PDE4D: variants seen among roughly 807,000 people sequenced by gnomAD.
PDE4D encodes phosphodiesterase 4D.
A neutral mutation model predicts 87.4 loss-of-function variants in PDE4D; 24 were observed. The ratio of observed to expected loss-of-function variants is 0.27; its 90% confidence interval spans 0.20 to 0.39. PDE4D has a LOEUF of 0.39. Ranked by LOEUF, PDE4D falls within the 10% of genes least tolerant of loss-of-function variation. The pLI is 1.00. For missense variants in PDE4D, 714 were observed against 1,041.0 expected (o/e 0.69, Z 4.32); for synonymous variants, 384 against 383.2 (o/e 1.00, Z -0.02).
chr5:59,211,451 G>A (rs1288516505), intron 2 of PDE4D, among the ~76,000 whole-genome samples: 1 of 151,894 alleles, frequency 6.6e-6, no homozygotes, highest in Non-Finnish European at 1.5e-5. Flanking sequence ...ATCAAATTTT[G>A]ATACTGCTAT....
intron 1 of PDE4D, among the ~76,000 whole-genome samples, chr5:59,466,602 G>C (rs1582740591): frequency 6.6e-6 from 1 of 152,146 alleles, no homozygotes; most frequent in Non-Finnish European, 1.5e-5. Context: ...GTCCAGATAA[G>C]GGAGCTAAAG....
chr5:59,435,219 A>T (rs1796635497), intron 1 of PDE4D, among the ~76,000 whole-genome samples: 1 of 152,172 alleles, frequency 6.6e-6, no homozygotes. Flanking sequence ...TTAAAATGGA[A>T]ATCTTAGCAA....
chr5:59,668,826 A>AGG (rs1491547382), intron 1 of PDE4D, among the ~76,000 whole-genome samples: 3 of 92,170 alleles, frequency 3.3e-5, no homozygotes, highest in East Asian at 3.5e-4. Flanking sequence ...GAAGAAGAAG[A>AGG]AGAAGAGGAA....
intron 1 of PDE4D, among the ~76,000 whole-genome samples, chr5:59,826,201 GC>G (rs1770303813): frequency 2.0e-5 from 3 of 152,034 alleles, no homozygotes. Context: ...TCAAGTTTGG[GC>G]CTTGTTCACC....
intron 1 of PDE4D, among the ~76,000 whole-genome samples, chr5:60,213,862 T>C (rs551280072): frequency 3.9e-5 from 6 of 152,312 alleles, no homozygotes; most frequent in East Asian, 1.9e-4. Flanking sequence ...TAGGTGTCTG[T>C]AGGCACCATA....
At chr5:60,330,654 A>C (rs527335114) in intron 1 of PDE4D, among the ~76,000 whole-genome samples, 4 of 152,332 alleles carry the variant, frequency 2.6e-5, no homozygotes, top group African/African-American at 9.6e-5. Flanking sequence ...AGGCATTCTC[A>C]CAACTTCTTG....
chr5:59,071,877 C>T (rs545845488), intron 5 of PDE4D, among the ~76,000 whole-genome samples: 20 of 151,692 alleles, frequency 1.3e-4, no homozygotes, highest in South Asian at 2.1e-4. Flanking sequence ...TTAGTAGAGA[C>T]GGGGTTTCAC....
intron 1 of PDE4D, among the ~76,000 whole-genome samples, chr5:60,218,022 C>A (rs539783530): frequency 1.3e-5 from 2 of 151,946 alleles, no homozygotes; most frequent in Non-Finnish European, 2.9e-5. Context: ...GTCTACCCTA[C>A]AAACCAGCCA....
intron 1 of PDE4D, among the ~76,000 whole-genome samples, chr5:59,876,431 T>C (rs907907104): frequency 6.6e-6 from 1 of 152,214 alleles, no homozygotes; most frequent in African/African-American, 2.4e-5. Context: ...ACTCACCCAG[T>C]TGGCTGAGTA....
chr5:59,908,540 T>C (rs1026842225), intron 3 of PDE4D, among the ~76,000 whole-genome samples: 8 of 152,186 alleles, frequency 5.3e-5, no homozygotes, highest in Non-Finnish European at 8.8e-5. Flanking sequence ...AGCTAGAACC[T>C]AGCCATAATA....
chr5:59,331,682 C>T (rs1298303942), intron 1 of PDE4D, among the ~76,000 whole-genome samples: 1 of 152,164 alleles, frequency 6.6e-6, no homozygotes, highest in Non-Finnish European at 1.5e-5. Context: ...CAGAGCCATC[C>T]TTAAACAAAG....
At chr5:59,502,007 T>C (rs1220608333) in intron 1 of PDE4D, among the ~76,000 whole-genome samples, 1 of 152,200 alleles carries the variant, frequency 6.6e-6, no homozygotes, top group Non-Finnish European at 1.5e-5. Context: ...TCAGAGAAAC[T>C]GTCTTGTTCT....
At chr5:60,210,482 A>G (rs1294323262) in intron 1 of PDE4D, among the ~76,000 whole-genome samples, 1 of 152,182 alleles carries the variant, frequency 6.6e-6, no homozygotes, top group East Asian at 1.9e-4. Flanking sequence ...CCTTAAAACA[A>G]GGAAAATAAA....
intron 1 of PDE4D, among the ~76,000 whole-genome samples, chr5:59,481,488 G>T (rs546467843): frequency 6.6e-6 from 1 of 152,130 alleles, no homozygotes; most frequent in South Asian, 2.1e-4. Context: ...TCTCTAAAAT[G>T]GGAGTTGAAT....
At chr5:60,400,660 G>A (rs1583634695) in intron 1 of PDE4D, among the ~76,000 whole-genome samples, 1 of 151,644 alleles carries the variant, frequency 6.6e-6, no homozygotes, top group South Asian at 2.1e-4. Context: ...GGCTGGGTGC[G>A]ATGGCTCACG....
intron 1 of PDE4D, among the ~76,000 whole-genome samples, chr5:60,486,617 A>G (rs1260204954): frequency 6.6e-6 from 1 of 152,178 alleles, no homozygotes; most frequent in East Asian, 1.9e-4. Context: ...CACAACTAAT[A>G]TTTCTCTCCT....
intron 1 of PDE4D, among the ~76,000 whole-genome samples, chr5:59,508,691 A>G (rs1809723048): frequency 6.6e-6 from 1 of 152,092 alleles, no homozygotes; most frequent in Non-Finnish European, 1.5e-5. Flanking sequence ...TAAAGAAATG[A>G]TAAAAAATTT....
intron 2 of PDE4D, among the ~76,000 whole-genome samples, chr5:60,167,471 T>C (rs1783034553): frequency 6.6e-6 from 1 of 151,946 alleles, no homozygotes; most frequent in African/African-American, 2.4e-5. Flanking sequence ...GGTTTCACCG[T>C]GTTAGCCAGG....
At chr5:59,970,111 C>G (rs1280720346) in intron 3 of PDE4D, among the ~76,000 whole-genome samples, 1 of 152,124 alleles carries the variant, frequency 6.6e-6, no homozygotes, top group Non-Finnish European at 1.5e-5. Flanking sequence ...AAATTTAGCA[C>G]TAGGTGTGAG....
Sources: gnomAD v4.1 joint callset for allele counts (sites outside exome capture counted in the v4.1 genomes callset) on GRCh38, gnomAD v4.1.1 for gene constraint, MANE v1.5 for transcripts, NCBI Gene and HGNC (gene_info 2026-07-23, HGNC 2026-07-21) for gene names.